Variants in RBBP8 observed in about 807,000 individuals in gnomAD.
RBBP8 encodes RB binding protein 8, endonuclease, also known as DNA endonuclease RBBP8.
In RBBP8, 88 loss-of-function variants were observed where a neutral mutation model predicts 108.3. That is an observed-to-expected ratio of 0.81 (90% confidence interval 0.68 to 0.97). The LOEUF (loss-of-function observed/expected upper bound fraction) is 0.97. Among genes scored for constraint, RBBP8 ranks in the 50% least tolerant of loss-of-function variants. The pLI is 0.00. For synonymous variants in RBBP8, 332 were observed against 348.2 expected (o/e 0.95, Z 0.52); for missense variants, 1,023 against 1,049.0 (o/e 0.98, Z 0.34).
At chr18:22,955,853 T>C (rs536932804) in intron 4 of RBBP8, among the ~76,000 whole-genome samples, 1 of 152,322 alleles carries the variant, frequency 6.6e-6, no homozygotes, top group South Asian at 2.1e-4. Flanking sequence ...GTGCTGGGAT[T>C]ACAGGTGTGA....
intron 2 of RBBP8, among the ~76,000 whole-genome samples, chr18:22,943,469 ACT>A (rs1483936782): frequency 6.6e-6 from 1 of 151,758 alleles, no homozygotes; most frequent in Non-Finnish European, 1.5e-5. Flanking sequence ...ATTATCAGTA[ACT>A]CTCACACCTT....
In RBBP8 at chr18:22,955,722, C is replaced by T. The variant is rs58815537; in HGVS notation, c.248+6009C>T. Among the ~76,000 whole-genome samples, 659 of 151,730 alleles carry T rather than the reference C, an allele frequency of 4.3e-3. 5 individuals carry two copies. The highest frequency in any genetic ancestry group is 0.015 in the African/African-American group (608 of 41,416). ...CCTCCCGAGTGGCTGGGACTACAGG[C>T]GCCCACTGCCTCGCCCGGCTAATTT... On this transcript the variant is annotated intron_variant, in intron 4 of 18. Transcript: ENST00000327155.
At position 22,983,191 on chromosome 18, in the gene RBBP8, T is replaced by C. The variant is rs11874882; in HGVS notation, c.604+798T>C. Among the ~76,000 whole-genome samples, 561 of 152,308 alleles carry C rather than the reference T, an allele frequency of 3.7e-3. 4 individuals are homozygous for C. Among genetic ancestry groups the C allele is most frequent in the African/African-American group, 0.013 (539 of 41,566 alleles). On this transcript the variant is annotated intron_variant, in intron 7 of 18. Transcript: ENST00000327155. Reference sequence around the variant, plus strand: ...ATACAAGTATTACTTTTAGTATTAATCTAAAGCAAACAGTAAAGACTTTAA... The same window carrying C: ...ATACAAGTATTACTTTTAGTATTAACCTAAAGCAAACAGTAAAGACTTTAA...
At chr18:22,998,717 C>T (rs1302577999) in intron 14 of RBBP8, among the ~76,000 whole-genome samples, 1 of 152,214 alleles carries the variant, frequency 6.6e-6, no homozygotes, top group Admixed American at 6.5e-5. Flanking sequence ...ATAAAATAGT[C>T]TTGCCCTGGC....
intron 8 of RBBP8, among the ~76,000 whole-genome samples, chr18:22,987,851 T>G (rs1362241370): frequency 2.0e-5 from 3 of 152,188 alleles, no homozygotes; most frequent in Non-Finnish European, 1.5e-5. Flanking sequence ...CTGTCCGACT[T>G]TTTTCCTGGT....
chr18:22,930,373 G>A (rs555128322), upstream of RBBP8, among the ~76,000 whole-genome samples: 1 of 152,112 alleles, frequency 6.6e-6, no homozygotes, highest in Non-Finnish European at 1.5e-5. Flanking sequence ...TATAACACAA[G>A]TGTTCATTTT....
intron 4 of RBBP8, among the ~76,000 whole-genome samples, chr18:22,953,139 G>A (rs1041724268): frequency 1.6e-4 from 24 of 152,318 alleles, no homozygotes; most frequent in African/African-American, 5.1e-4. Context: ...AGAAGAGAGG[G>A]AAGAGGATAC....
At chr18:23,023,739 A>C (rs906101970) in intron 18 of RBBP8, among the ~76,000 whole-genome samples, 10 of 152,180 alleles carry the variant, frequency 6.6e-5, no homozygotes. Flanking sequence ...AATGAAATGA[A>C]ATGCTCGAGT....
intron 15 of RBBP8, among the ~76,000 whole-genome samples, chr18:23,005,447 T>C (rs1598735202): frequency 6.6e-6 from 1 of 152,236 alleles, no homozygotes; most frequent in Admixed American, 6.5e-5. Context: ...GGAGTCTTGC[T>C]CTGTTGCCAG....
intron 5 of RBBP8, 131 bp downstream of exon 5, chr18:22,969,049 CT>C: frequency 1.5e-6 from 1 of 676,336 alleles, no homozygotes; most frequent in Non-Finnish European, 2.5e-6. Flanking sequence ...TTCAAATGTC[CT>C]TTTTTGTACT....
chr18:22,925,694 T>C (rs533347992), intron 3 of RBBP8, among the ~76,000 whole-genome samples: 2 of 152,316 alleles, frequency 1.3e-5, no homozygotes, highest in South Asian at 4.1e-4. Flanking sequence ...TGTGAACCTA[T>C]CAAAGAATTC....
At chr18:22,979,010 G>A (rs1397042354) in intron 6 of RBBP8, among the ~76,000 whole-genome samples, 1 of 152,184 alleles carries the variant, frequency 6.6e-6, no homozygotes, top group Admixed American at 6.5e-5. Context: ...GCTCATGCCT[G>A]TAGTCTCAGC....
rs1483019041 is a variant in RBBP8, at chr18:22,996,460, A to C, written c.2026A>C (p.Lys676Gln). The part of the protein sequence containing the change: ...YKMDVTVIDT[K>Q]DGSQSKLGGE... The stretch of plus-strand genomic sequence containing the variant: ...AATGGATGTTACTGTAATAGATACA[A>C]AGGTAAGTTAAAAAGTAAAACCAAA... The change falls in exon 13 of 19, where the codon AAG (lysine) becomes CAG (glutamine). Residue 676 changes from lysine (K) to glutamine (Q), a missense_variant and splice_region_variant. Transcript: ENST00000327155. 4 of 1,613,340 alleles carry C rather than the reference A, an allele frequency of 2.5e-6. No homozygotes were observed. The highest frequency in any genetic ancestry group is 3.3e-5 in the Admixed American group (2 of 60,018).
intron 7 of RBBP8, among the ~76,000 whole-genome samples, chr18:22,984,016 G>T (rs1915142952): frequency 6.6e-6 from 1 of 152,156 alleles, no homozygotes; most frequent in African/African-American, 2.4e-5. Flanking sequence ...TGGAGGTGGA[G>T]GTTGCAGTGA....
chr18:22,998,403 T>C (rs1324591551), intron 14 of RBBP8, among the ~76,000 whole-genome samples: 1 of 152,222 alleles, frequency 6.6e-6, no homozygotes, highest in African/African-American at 2.4e-5. Flanking sequence ...GAGAAACTAT[T>C]AATTCTTTAC....
chr18:22,999,947 TAGA>T (rs2045919438), intron 14 of RBBP8, among the ~76,000 whole-genome samples: 1 of 152,188 alleles, frequency 6.6e-6, no homozygotes, highest in South Asian at 2.1e-4. Context: ...GCCTGGTGCA[TAGA>T]AGTTGTATTT....
At chr18:22,968,778 A>G (rs1913838121) in intron 4 of RBBP8, 28 bp from the exon 5 acceptor site, 2 of 1,575,472 alleles carry the variant, frequency 1.3e-6, no homozygotes, top group Non-Finnish European at 1.7e-6. Context: ...CTTTTAGTGG[A>G]TGAAAAATAC....
rs112890889 is a variant in RBBP8 at position 23,016,459 on chromosome 18, G to A, written c.2358-369G>A. ...CGCAGAAGGCTGAGGCACAAGAGTC[G>A]CTTGAACCTGGGAGGTGGAGGTTGC... On this transcript the variant is annotated intron_variant, in intron 16 of 18. Coordinates refer to ENST00000327155, the MANE Select transcript of RBBP8 (RefSeq NM_002894.3). Among the ~76,000 whole-genome samples, 388 of 152,152 alleles carry A rather than the reference G, an allele frequency of 2.6e-3. 2 individuals carry two copies. Among genetic ancestry groups the A allele is most frequent in the Middle Eastern group, 0.014 (4 of 294 alleles).
chr18:22,933,215 A>C (rs551022741), upstream of RBBP8: 12 of 151,958 alleles, frequency 7.9e-5, no homozygotes, highest in African/African-American at 2.9e-4. Context: ...CCCCTCCCCA[A>C]CCATCGCCCT....
Sources: gnomAD v4.1 joint callset for allele counts (sites outside exome capture counted in the v4.1 genomes callset) on GRCh38, gnomAD v4.1.1 for gene constraint, MANE v1.5 for transcripts, NCBI Gene and HGNC (gene_info 2026-07-23, HGNC 2026-07-21) for gene names.